Variants in ZC3H7A observed in about 807,000 individuals in gnomAD.
ZC3H7A encodes zinc finger CCCH-type containing 7A.
In ZC3H7A, 44 loss-of-function variants were observed where a neutral mutation model predicts 125.5. That is an observed-to-expected ratio of 0.35 (90% CI 0.28 to 0.45). The LOEUF (loss-of-function observed/expected upper bound fraction) is 0.45, where lower values mean the gene tolerates loss of function less well. ZC3H7A is among the 20% of genes least tolerant of loss of function. The pLI is 1.00. For missense variants in ZC3H7A, 977 were observed against 1,170.7 expected, an observed-to-expected ratio of 0.83 and a Z score of 2.41; for synonymous variants, 399 against 391.2, an observed-to-expected ratio of 1.02 and a Z score of -0.23.
chr16:11,752,579 T>G, intron 22 of ZC3H7A, 90 bp downstream of exon 22: 1 of 1,490,864 alleles, frequency 6.7e-7, no homozygotes, highest in South Asian at 1.3e-5. Flanking sequence ...ATTAGAACTT[T>G]AACACCCAGG....
chr16:11,790,129 G>C (rs1398021652), intron 1 of ZC3H7A, among the ~76,000 whole-genome samples: 1 of 146,652 alleles, frequency 6.8e-6, no homozygotes, highest in East Asian at 2.0e-4. Context: ...AAGGGCATAT[G>C]TATTTGTTTA....
intron 8 of ZC3H7A, 118 bp from the exon 9 acceptor site, chr16:11,774,637 A>C (rs2053048933): frequency 5.7e-6 from 7 of 1,235,396 alleles, no homozygotes; most frequent in Non-Finnish European, 7.6e-6. Flanking sequence ...AAAAATAATA[A>C]AATTGACAGT....
At chr16:11,763,701 G>C (rs774298763) in intron 15 of ZC3H7A, 42 bp from the exon 16 acceptor site, 4 of 739,172 alleles carry the variant, frequency 5.4e-6, no homozygotes, top group South Asian at 2.8e-5. Flanking sequence ...TTCTGCCATA[G>C]ATTTTTCAAA....
intron 9 of ZC3H7A, among the ~76,000 whole-genome samples, chr16:11,772,254 A>G (rs1415748159): frequency 1.3e-5 from 2 of 151,402 alleles, no homozygotes; most frequent in Non-Finnish European, 2.9e-5. Flanking sequence ...GTGGTGTAGC[A>G]GGAGGATAGG....
chr16:11,755,382 T>C (rs969906535), intron 21 of ZC3H7A, among the ~76,000 whole-genome samples: 5 of 152,176 alleles, frequency 3.3e-5, no homozygotes, highest in African/African-American at 1.2e-4. Context: ...ATCAGTTAAC[T>C]TGCGATGGTG....
At chr16:11,792,988 G>T (rs189146426) in intron 1 of ZC3H7A, among the ~76,000 whole-genome samples, 16 of 152,342 alleles carry the variant, frequency 1.1e-4, no homozygotes, top group Admixed American at 9.2e-4. Context: ...GTCATTTAAT[G>T]CAACTCAGAC....
At chr16:11,772,720 A>T (rs1240292156) in intron 9 of ZC3H7A, among the ~76,000 whole-genome samples, 5 of 149,132 alleles carry the variant, frequency 3.4e-5, no homozygotes, top group African/African-American at 1.3e-4. Flanking sequence ...TTTTTGAGAC[A>T]GAGTATTGAT....
In ZC3H7A at chr16:11,765,607, G is replaced by C; in HGVS notation, c.1601C>G (p.Thr534Arg). ...GCTGAATGCTCCTTTCCGCTCCAGT[G>C]TCCACACATCTATCTCCTCTTGGCA... ...AYCQEEIDVWTLERKGAFSRE... is the reference protein window; with the variant it reads ...AYCQEEIDVWRLERKGAFSRE... Residue 534 changes from threonine to arginine, a missense_variant, in exon 14 of 23, where the codon ACA becomes AGA. Coordinates refer to ENST00000355758, the MANE Select transcript of ZC3H7A (RefSeq NM_014153.4). The surrounding 1 kb of genome is among the most constrained non-coding windows in gnomAD (Gnocchi z 4.8). 1 of 1,614,138 alleles carries C rather than the reference G, an allele frequency of 6.2e-7. No homozygotes were observed. The highest frequency in any genetic ancestry group is 1.7e-5 in the Admixed American group (1 of 60,014).
At position 11,771,800 on chromosome 16, in the gene ZC3H7A, T is replaced by C. The variant is rs2052987929; in HGVS notation, c.904-813A>G. Reference sequence around the variant, plus strand: ...ACAGGTGTGAGCCACTGCACCCAGCTAGATGTCTAACATTATAATCCAAAT... The same window carrying C: ...ACAGGTGTGAGCCACTGCACCCAGCCAGATGTCTAACATTATAATCCAAAT... On this transcript the variant is annotated intron_variant, in intron 9 of 22. Coordinates refer to ENST00000355758, the MANE Select transcript of ZC3H7A (RefSeq NM_014153.4). Among the ~76,000 whole-genome samples the C allele has an allele frequency of 2.6e-5, 4 of 152,106 alleles. No individual in the cohort carries two copies. The South Asian group carries it at 8.3e-4, about 32-fold the overall frequency.
rs183023305 is a variant in ZC3H7A at position 11,773,131 on chromosome 16, G to A, written c.903+1105C>T. On this transcript the variant is annotated intron_variant, in intron 9 of 22. Transcript: ENST00000355758. ...ACATAAAATGAATAGTCACTGATGTGTTCCAGTAAAACTTTACTTACGGAC... is the reference window on the plus strand; with the variant it reads ...ACATAAAATGAATAGTCACTGATGTATTCCAGTAAAACTTTACTTACGGAC... 9.4e-4 allele frequency among the ~76,000 whole-genome samples: 143 copies of A among 152,094 alleles called. 3 individuals carry two copies. Among genetic ancestry groups the A allele is most frequent in the African/African-American group, 3.3e-3 (138 of 41,344 alleles).
intron 10 of ZC3H7A, 85 bp from the exon 11 acceptor site, chr16:11,769,180 G>T: frequency 8.7e-7 from 1 of 1,147,244 alleles, no homozygotes; most frequent in Non-Finnish European, 1.2e-6. Flanking sequence ...ACTGGCTATG[G>T]CCTCCCACGC....
At chr16:11,756,161 C>G in intron 21 of ZC3H7A, 76 bp downstream of exon 21, 1 of 1,531,930 alleles carries the variant, frequency 6.5e-7, no homozygotes, top group Admixed American at 2.1e-5. Flanking sequence ...GACTCCATCT[C>G]AAAAAAAAGA....
At chr16:11,782,167 T>C (rs1010911850) in intron 2 of ZC3H7A, 120 bp downstream of exon 2, 10 of 1,099,382 alleles carry the variant, frequency 9.1e-6, no homozygotes, top group African/African-American at 1.6e-5. Flanking sequence ...ATATGGAGTT[T>C]CTAACCCAAA....
rs745353532 is a variant in ZC3H7A, at chr16:11,776,468, G to A, written c.530C>T (p.Ala177Val). 7 of 1,611,286 alleles carry A rather than the reference G, an allele frequency of 4.3e-6. No individual in the cohort carries two copies. Among genetic ancestry groups the A allele is most frequent in the Non-Finnish European group, 5.1e-6 (6 of 1,179,242 alleles). ...CCAGCTTACCTCAGCTCTGACATAC[G>A]CTTTTCTTATTTTAAATCCCAATTT... ...AQKLGFKIRKAYVRAELSLKS... is the reference protein window; with the variant it reads ...AQKLGFKIRKVYVRAELSLKS... Residue 177 changes from alanine to valine, a missense_variant, in exon 6 of 23, where the codon GCG becomes GTG. Transcript: ENST00000355758.
intron 4 of ZC3H7A, among the ~76,000 whole-genome samples, chr16:11,778,338 G>A (rs575335486): frequency 1.7e-3 from 252 of 151,150 alleles, no homozygotes; most frequent in Middle Eastern, 3.5e-3. Flanking sequence ...TCGGGAGGCC[G>A]AGGCAGGAAA....
At chr16:11,757,432 C>T (rs1005566361) in intron 20 of ZC3H7A, among the ~76,000 whole-genome samples, 13 of 142,712 alleles carry the variant, frequency 9.1e-5, no homozygotes, top group Non-Finnish European at 1.6e-4. Context: ...TGCAGTGACC[C>T]GAGATCACGC....
chr16:11,785,697 G>A (rs1013152087), intron 1 of ZC3H7A, among the ~76,000 whole-genome samples: 1 of 152,138 alleles, frequency 6.6e-6, no homozygotes, highest in African/African-American at 2.4e-5. Flanking sequence ...TCTGCTCACT[G>A]CAACCTCCGC....
At chr16:11,773,377 A>G (rs907757355) in intron 9 of ZC3H7A, among the ~76,000 whole-genome samples, 2 of 151,900 alleles carry the variant, frequency 1.3e-5, no homozygotes, top group African/African-American at 4.9e-5. Flanking sequence ...TGCCCTTGCT[A>G]TGGTTACCCA....
At chr16:11,785,278 G>T (rs956244434) in intron 1 of ZC3H7A, among the ~76,000 whole-genome samples, 1 of 152,100 alleles carries the variant, frequency 6.6e-6, no homozygotes, top group East Asian at 1.9e-4. Flanking sequence ...GGTCGAGGTT[G>T]CAGTGAGCTA....
Sources: allele counts gnomAD v4.1 joint callset (sites outside exome capture counted in the v4.1 genomes callset), GRCh38; gene constraint gnomAD v4.1.1; non-coding constraint Gnocchi (gnomAD v3.1); transcripts MANE v1.5; gene names NCBI Gene and HGNC (gene_info 2026-07-23, HGNC 2026-07-21).